The following SLC44A5 variants were observed in gnomAD, a reference collection of about 807,000 sequenced individuals.
SLC44A5 encodes solute carrier family 44 member 5, also known as choline transporter-like protein 5.
In SLC44A5, 57 loss-of-function variants were observed where a neutral mutation model predicts 101.8. The ratio of observed to expected loss-of-function variants is 0.56; its 90% CI spans 0.45 to 0.70. SLC44A5 has a LOEUF of 0.70. SLC44A5 is among the 30% of genes least tolerant of loss of function. The probability of loss-of-function intolerance (pLI) is 0.00; values close to 1 mark genes in which losing one functional copy is unlikely to be tolerated. For synonymous variants in SLC44A5, 281 were observed against 290.9 expected (o/e 0.97, Z 0.35); for missense variants, 737 against 853.1 (o/e 0.86, Z 1.70).
chr1:75,350,021 T>A (rs1658525210), intron 3 of SLC44A5, among the ~76,000 whole-genome samples: 1 of 152,116 alleles, frequency 6.6e-6, no homozygotes, highest in African/African-American at 2.4e-5. Context: ...TAAGATGATA[T>A]ATACTGTTAT....
intron 3 of SLC44A5, among the ~76,000 whole-genome samples, chr1:75,376,495 C>G (rs1276923722): frequency 2.9e-4 from 44 of 152,276 alleles, no homozygotes; most frequent in Admixed American, 1.1e-3. Context: ...GATCTGAGAA[C>G]GGGCAGACTG....
the SLC44A5 span, among the ~76,000 whole-genome samples, chr1:75,654,585 G>A: frequency 6.6e-6 from 1 of 152,052 alleles, no homozygotes; most frequent in African/African-American, 2.4e-5. Flanking sequence ...TAAAATGAAG[G>A]GAATATGCCT....
At chr1:75,589,518 C>T (rs1284252833) in intron 1 of SLC44A5, among the ~76,000 whole-genome samples, 1 of 152,144 alleles carries the variant, frequency 6.6e-6, no homozygotes, top group Non-Finnish European at 1.5e-5. Flanking sequence ...TAATGGAAAG[C>T]TCTACCCATC....
chr1:75,221,807 T>C (rs1323044091), intron 14 of SLC44A5, among the ~76,000 whole-genome samples: 1 of 152,216 alleles, frequency 6.6e-6, no homozygotes, highest in African/African-American at 2.4e-5. Context: ...ATACGTAGAC[T>C]AAATAGGTTT....
chr1:75,254,986 G>T (rs766448606), intron 6 of SLC44A5, among the ~76,000 whole-genome samples: 1 of 152,128 alleles, frequency 6.6e-6, no homozygotes, highest in Non-Finnish European at 1.5e-5. Context: ...GCTGGGCCAC[G>T]TGGAGCCCAT....
the SLC44A5 span, among the ~76,000 whole-genome samples, chr1:75,723,464 C>T: frequency 9.2e-5 from 14 of 152,096 alleles, no homozygotes; most frequent in African/African-American, 2.9e-4. Context: ...ACCGACTAGA[C>T]ATGTTTAAGA....
rs528387030 is a variant in SLC44A5 at position 75,336,524 on chromosome 1, A to T, written c.101+3058T>A. ...TTATTTAAAATTGCATCCTTTTTTC[A>T]GGATAGTTTACGTATTTAAAACAAA... is the stretch of plus-strand genomic sequence containing the variant. On this transcript the variant is annotated intron_variant, in intron 4 of 23. Coordinates refer to ENST00000370859, the MANE Select transcript of SLC44A5 (RefSeq NM_001130058.2). Among the ~76,000 whole-genome samples, 45 of 152,262 alleles carry T rather than the reference A, an allele frequency of 3.0e-4. 1 individual carries two copies. In the East Asian group the frequency reaches 3.3e-3, roughly 11 times the overall value.
At position 75,204,334 on chromosome 1, in the gene SLC44A5, A is replaced by G. The variant is rs146840880; in HGVS notation, c.2048-501T>C. ...CTTTGTAAGAAAATGGCTTCTAAAT[A>G]TCTTCTCAAAAACAATGCTCATTTT... On this transcript the variant is annotated intron_variant, in intron 23 of 23. Coordinates refer to ENST00000370859, the MANE Select transcript of SLC44A5 (RefSeq NM_001130058.2). 8.8e-3 allele frequency: 1,342 copies of G among 152,302 alleles called. 13 individuals carry two copies. Among genetic ancestry groups the G allele is most frequent in the Non-Finnish European group, 0.013 (880 of 68,038 alleles). The allele number at this position is 152,302 out of a possible 1,614,324, so 9.4% of individuals were successfully genotyped here. A position where few individuals can be genotyped will look rare whatever the true frequency, so the allele number is the denominator to read the frequency against.
intron 12 of SLC44A5, among the ~76,000 whole-genome samples, chr1:75,231,407 T>A (rs1647558608): frequency 6.6e-6 from 1 of 152,194 alleles, no homozygotes; most frequent in South Asian, 2.1e-4. Context: ...ATGTCACGAT[T>A]TCATAGCAAG....
At chr1:75,666,614 A>G in the SLC44A5 span, among the ~76,000 whole-genome samples, 1 of 152,210 alleles carries the variant, frequency 6.6e-6, no homozygotes, top group Non-Finnish European at 1.5e-5. Flanking sequence ...CCTGATACCA[A>G]AACTGGGCAG....
intron 4 of SLC44A5, among the ~76,000 whole-genome samples, chr1:75,335,334 G>A (rs577340767): frequency 1.3e-5 from 2 of 152,294 alleles, no homozygotes; most frequent in East Asian, 3.9e-4. Context: ...GAATGCCAAT[G>A]AAATAATTTA....
intron 2 of SLC44A5, among the ~76,000 whole-genome samples, chr1:75,414,634 G>A (rs1316459334): frequency 1.3e-5 from 2 of 152,154 alleles, no homozygotes; most frequent in Non-Finnish European, 2.9e-5. Flanking sequence ...AAGTAAACTT[G>A]ACTTTGTGAG....
chr1:75,663,142 T>G, the SLC44A5 span, among the ~76,000 whole-genome samples: 9 of 152,296 alleles, frequency 5.9e-5, no homozygotes, highest in Middle Eastern at 3.4e-3. Flanking sequence ...CTACTTCTAC[T>G]GACCAGTTAC....
intron 23 of SLC44A5, chr1:75,204,354 C>T (rs947164455): frequency 6.6e-6 from 1 of 152,074 alleles, no homozygotes; most frequent in African/African-American, 2.4e-5. Flanking sequence ...AAACAATGCT[C>T]ATTTTTATTC....
In SLC44A5 at chr1:75,230,822, A is replaced by G. The variant is rs1311160238; in HGVS notation, c.854-2965T>C. ...AGTAGAGACAGGGTTTCACCACGTT[A>G]GCCAGGTTGGCCTCCCACTCCTCAC... On this transcript the variant is annotated intron_variant, in intron 12 of 23. Transcript: ENST00000370859. Among the ~76,000 whole-genome samples the G allele has an allele frequency of 7.4e-4, 112 of 152,062 alleles. 1 individual carries two copies. Among genetic ancestry groups the G allele is most frequent in the Admixed American group, 7.3e-3 (112 of 15,258 alleles).
At chr1:75,676,684 A>T in the SLC44A5 span, among the ~76,000 whole-genome samples, 1 of 152,304 alleles carries the variant, frequency 6.6e-6, no homozygotes, top group South Asian at 2.1e-4. Context: ...CTGCACATAT[A>T]CCCTGGAACT....
Position 75,326,657 on chromosome 1 carries a change from T to C in SLC44A5, c.101+12925A>G, listed in dbSNP as rs765215823. Among the ~76,000 whole-genome samples, 7 of 152,156 alleles carry C rather than the reference T, an allele frequency of 4.6e-5. No homozygotes were observed. In the South Asian group the frequency reaches 1.2e-3, roughly 27 times the overall value. Reference sequence around the variant, plus strand: ...TCAGCACTTATATTATGTACAAGCATTGTATTATGTACAAACATTTTGGGG... The same window carrying C: ...TCAGCACTTATATTATGTACAAGCACTGTATTATGTACAAACATTTTGGGG... On this transcript the variant is annotated intron_variant, in intron 4 of 23. Transcript: ENST00000370859.
the SLC44A5 span, among the ~76,000 whole-genome samples, chr1:75,691,064 A>AC: frequency 5.7e-4 from 86 of 150,156 alleles, no homozygotes; most frequent in East Asian, 3.1e-3. Flanking sequence ...ATACACATGC[A>AC]CCCCCCCCTT....
intron 2 of SLC44A5, among the ~76,000 whole-genome samples, chr1:75,403,538 G>A (rs1361380456): frequency 6.6e-6 from 1 of 152,154 alleles, no homozygotes; most frequent in African/African-American, 2.4e-5. Flanking sequence ...GCCTCCTCTG[G>A]TGATACCCAG....
Sources: allele counts gnomAD v4.1 joint callset (sites outside exome capture counted in the v4.1 genomes callset), GRCh38; gene constraint gnomAD v4.1.1; transcripts MANE v1.5; gene names NCBI Gene and HGNC (gene_info 2026-07-23, HGNC 2026-07-21).